ITGA2: variants seen among roughly 807,000 people sequenced by gnomAD.
ITGA2 encodes integrin subunit alpha 2.
In ITGA2, 101 loss-of-function variants were observed where a neutral mutation model predicts 146.3. The observed-to-expected ratio is 0.69, with a 90% CI of 0.59 to 0.81. The LOEUF is 0.81. ITGA2 is among the 40% of genes least tolerant of loss of function. ITGA2 has a pLI of 0.00. For synonymous variants in ITGA2, 477 were observed against 487.1 expected, an observed-to-expected ratio of 0.98 and a Z score of 0.27; for missense variants, 1,281 against 1,402.7, an observed-to-expected ratio of 0.91 and a Z score of 1.39.
At chr5:53,039,065 C>G (rs983897436) in intron 2 of ITGA2, among the ~76,000 whole-genome samples, 1 of 152,112 alleles carries the variant, frequency 6.6e-6, no homozygotes, top group African/African-American at 2.4e-5. Context: ...TGCACTCCAG[C>G]CTGAGTGACA....
At chr5:53,083,172 A>G (rs762309164) in intron 26 of ITGA2, among the ~76,000 whole-genome samples, 168 bp from the exon 27 acceptor site, 3 of 152,184 alleles carry the variant, frequency 2.0e-5, no homozygotes, top group Non-Finnish European at 4.4e-5. Flanking sequence ...TAGTCCCACA[A>G]TCCCTTGAAG....
intron 2 of ITGA2, among the ~76,000 whole-genome samples, chr5:53,041,034 G>T (rs531926845): frequency 6.6e-6 from 1 of 152,084 alleles, no homozygotes; most frequent in East Asian, 1.9e-4. Flanking sequence ...GGCATATGTT[G>T]TTTAAATGAT....
At position 53,036,985 on chromosome 5, in the gene ITGA2, A is replaced by G. The variant is rs186986341; in HGVS notation, c.186-5127A>G. Among the ~76,000 whole-genome samples, 7 of 152,312 alleles carry G rather than the reference A, an allele frequency of 4.6e-5. No individual in the cohort carries two copies. The East Asian group carries it at 1.4e-3, about 29-fold the overall frequency. On this transcript the variant is annotated intron_variant, in intron 2 of 29. Coordinates refer to ENST00000296585, the MANE Select transcript of ITGA2 (RefSeq NM_002203.4). ...ACAAAATGTTTTGCCCTACTATTTT[A>G]AGTACATCTCTGTCAGTAATCTCTG...
intron 1 of ITGA2, among the ~76,000 whole-genome samples, chr5:53,013,051 G>A (rs772550750): frequency 3.9e-5 from 6 of 152,118 alleles, no homozygotes; most frequent in South Asian, 4.1e-4. Context: ...TCCATAGGTT[G>A]TCTGTTTACT....
intron 1 of ITGA2, among the ~76,000 whole-genome samples, chr5:52,992,433 A>G (rs1741009630): frequency 6.6e-6 from 1 of 152,240 alleles, no homozygotes; most frequent in African/African-American, 2.4e-5. Flanking sequence ...ACAGTCTGTA[A>G]GTAAGCCAGA....
At chr5:53,081,863 C>T (rs577877568) in intron 26 of ITGA2, among the ~76,000 whole-genome samples, 167 bp downstream of exon 26, 38 of 152,212 alleles carry the variant, frequency 2.5e-4, no homozygotes, top group African/African-American at 3.4e-4. Context: ...AAAGTAAATA[C>T]GATTTTGAAA....
rs141676954 is a variant in ITGA2 at position 53,052,524 on chromosome 5, T to C, written c.779+965T>C. On this transcript the variant is annotated intron_variant, in intron 7 of 29. Transcript: ENST00000296585. ...CTATTCTCTCTCTTTGTCTTGTGCA[T>C]TCCTTCTTTTTACCACCATAATTCT... Among the ~76,000 whole-genome samples the C allele has an allele frequency of 1.6e-3, 236 of 152,220 alleles. No individual in the cohort carries two copies. In the South Asian group the frequency reaches 0.027, roughly 17 times the overall value.
At chr5:52,998,793 T>G (rs1466813488) in intron 1 of ITGA2, among the ~76,000 whole-genome samples, 1 of 152,226 alleles carries the variant, frequency 6.6e-6, no homozygotes, top group African/African-American at 2.4e-5. Flanking sequence ...GGCACCATTT[T>G]ATTCAATGAG....
chr5:53,050,554 G>C (rs2974977), intron 6 of ITGA2, among the ~76,000 whole-genome samples: 1 of 152,082 alleles, frequency 6.6e-6, no homozygotes, highest in Non-Finnish European at 1.5e-5. Flanking sequence ...CAGAAATCCA[G>C]TCCTCACCGC....
intron 1 of ITGA2, among the ~76,000 whole-genome samples, chr5:52,994,305 C>A (rs1265600272): frequency 6.6e-6 from 1 of 152,168 alleles, no homozygotes; most frequent in Non-Finnish European, 1.5e-5. Flanking sequence ...CATACTTAAC[C>A]AATTTCAGCC....
chr5:53,027,025 G>A (rs1231718096), intron 2 of ITGA2, among the ~76,000 whole-genome samples, 157 bp downstream of exon 2: 1 of 152,176 alleles, frequency 6.6e-6, no homozygotes, highest in Admixed American at 6.5e-5. Flanking sequence ...GTTGACAACT[G>A]CAGACTGATC....
intron 1 of ITGA2, among the ~76,000 whole-genome samples, chr5:53,018,736 A>G (rs1009705463): frequency 3.3e-5 from 5 of 152,134 alleles, no homozygotes; most frequent in African/African-American, 1.2e-4. Context: ...TGAAGAGGTC[A>G]TGTCTAAAAT....
chr5:53,070,030 G>A, intron 16 of ITGA2, 79 bp from the exon 17 acceptor site: 1 of 1,191,146 alleles, frequency 8.4e-7, no homozygotes, highest in Non-Finnish European at 1.2e-6. Flanking sequence ...CTTTGTCCAA[G>A]AAGACACAAT....
intron 25 of ITGA2, 149 bp downstream of exon 25, chr5:53,080,770 A>G (rs1018059581): frequency 9.0e-6 from 6 of 665,278 alleles, no homozygotes; most frequent in East Asian, 2.7e-5. Flanking sequence ...AGTTAATTTC[A>G]TATTAGAAAA....
chr5:53,077,099 T>C (rs1319348192), intron 23 of ITGA2, among the ~76,000 whole-genome samples: 4 of 152,060 alleles, frequency 2.6e-5, no homozygotes, highest in Non-Finnish European at 2.9e-5. Context: ...TAAAACACTC[T>C]TCTGTACCTT....
At chr5:53,058,306 A>G (rs1167343240) in intron 10 of ITGA2, among the ~76,000 whole-genome samples, 1 of 151,722 alleles carries the variant, frequency 6.6e-6, no homozygotes, top group Non-Finnish European at 1.5e-5. Context: ...TTTCACAGGG[A>G]TCTTATATGG....
intron 2 of ITGA2, among the ~76,000 whole-genome samples, chr5:53,029,787 T>G (rs1277229079): frequency 1.3e-5 from 2 of 152,354 alleles, no homozygotes; most frequent in African/African-American, 4.8e-5. Flanking sequence ...GATCAACAAT[T>G]ATTTGTTAAA....
intron 1 of ITGA2, among the ~76,000 whole-genome samples, chr5:52,995,284 A>T (rs982226707): frequency 6.6e-6 from 1 of 152,170 alleles, no homozygotes; most frequent in Non-Finnish European, 1.5e-5. Context: ...ACATGATCAG[A>T]TGAGGAGAGT....
chr5:53,018,924 C>T (rs1248170267), intron 1 of ITGA2, among the ~76,000 whole-genome samples: 1 of 151,902 alleles, frequency 6.6e-6, no homozygotes, highest in African/African-American at 2.4e-5. Context: ...ATTAGCAGGG[C>T]GTGGTGGTAC....
Sources: gnomAD v4.1 joint callset for allele counts (sites outside exome capture counted in the v4.1 genomes callset) on GRCh38, gnomAD v4.1.1 for gene constraint, MANE v1.5 for transcripts, NCBI Gene and HGNC (gene_info 2026-07-23, HGNC 2026-07-21) for gene names.